The following TCF12 variants were observed in gnomAD, a reference collection of about 807,000 sequenced individuals.
The protein encoded by TCF12 is transcription factor 12, also known as DNA-binding protein HTF4.
Under a neutral mutation model 86.0 loss-of-function variants are expected in TCF12, and 45 were observed. That is an observed-to-expected ratio of 0.52 (90% CI 0.41 to 0.67). TCF12 has a LOEUF of 0.67. TCF12 is among the 30% of genes least tolerant of loss of function. TCF12 has a pLI of 0.00. For missense variants in TCF12, 881 were observed against 859.9 expected, an observed-to-expected ratio of 1.02 and a Z score of -0.31; for synonymous variants, 330 against 299.6, an observed-to-expected ratio of 1.10 and a Z score of -1.05.
intron 5 of TCF12, among the ~76,000 whole-genome samples, chr15:57,122,182 G>C (rs1185554431): frequency 7.6e-5 from 8 of 104,588 alleles, no homozygotes; most frequent in African/African-American, 2.3e-4. Context: ...AGTCTTGCTT[G>C]ATTTTTTTTT....
chr15:57,164,684 T>C (rs557358364), intron 5 of TCF12, among the ~76,000 whole-genome samples: 1 of 152,204 alleles, frequency 6.6e-6, no homozygotes, highest in East Asian at 1.9e-4. Flanking sequence ...TTTTTTTCTT[T>C]TTTGTTTTTT....
At chr15:56,929,182 G>C (rs2060140452) in intron 3 of TCF12, among the ~76,000 whole-genome samples, 1 of 152,122 alleles carries the variant, frequency 6.6e-6, no homozygotes, top group East Asian at 1.9e-4. Context: ...ATAAGGGTCA[G>C]GGTGGAATGG....
chr15:57,047,414 T>C (rs2042706341), intron 3 of TCF12, among the ~76,000 whole-genome samples: 1 of 152,198 alleles, frequency 6.6e-6, no homozygotes, highest in Non-Finnish European at 1.5e-5. Context: ...TTGAGAAAGA[T>C]TGAACAAGAT....
chr15:57,184,059 A>T (rs1414089645), intron 6 of TCF12, among the ~76,000 whole-genome samples: 2 of 152,106 alleles, frequency 1.3e-5, no homozygotes, highest in Admixed American at 1.3e-4. Context: ...CTGAAAGTTT[A>T]TGTTTACCTT....
chr15:57,154,654 A>G (rs956681527), intron 5 of TCF12, among the ~76,000 whole-genome samples: 13 of 152,090 alleles, frequency 8.5e-5, no homozygotes, highest in African/African-American at 7.2e-5. Flanking sequence ...GATTATGGCT[A>G]TGTATACAAA....
intron 8 of TCF12, among the ~76,000 whole-genome samples, chr15:57,198,493 T>G (rs1370599399): frequency 1.3e-5 from 2 of 152,208 alleles, no homozygotes; most frequent in Non-Finnish European, 2.9e-5. Context: ...GGAACAATCA[T>G]TAATGGCCAT....
At chr15:56,920,470 TTTTATACACACACACACGTG>T (rs1203287665) in intron 2 of TCF12, among the ~76,000 whole-genome samples, 1 of 124,180 alleles carries the variant, frequency 8.1e-6, no homozygotes, top group African/African-American at 3.1e-5. Context: ...AGTACTTTTA[TTTTATACACACACACACGTG>T]TGTGTGTGTG....
At chr15:57,026,087 A>G (rs1391033805) in intron 3 of TCF12, among the ~76,000 whole-genome samples, 1 of 152,222 alleles carries the variant, frequency 6.6e-6, no homozygotes, top group Non-Finnish European at 1.5e-5. Flanking sequence ...TAGAACAGAG[A>G]TAGGAAAATT....
chr15:57,170,700 TATATAATATATAATA>T (rs2055335383), intron 6 of TCF12, among the ~76,000 whole-genome samples: 1 of 6,330 alleles, frequency 1.6e-4, no homozygotes, highest in Non-Finnish European at 3.1e-4. Context: ...ATATATATTA[TATATAATATATAATA>T]TATATATTAT....
At chr15:57,193,669 C>T (rs2057100315) in intron 7 of TCF12, among the ~76,000 whole-genome samples, 1 of 152,218 alleles carries the variant, frequency 6.6e-6, no homozygotes, top group Admixed American at 6.5e-5. Context: ...TTTTATTGCA[C>T]AGGCATTTGA....
At chr15:56,971,006 C>G (rs1184688044) in intron 3 of TCF12, among the ~76,000 whole-genome samples, 1 of 152,056 alleles carries the variant, frequency 6.6e-6, no homozygotes, top group East Asian at 1.9e-4. Flanking sequence ...GTGTTTGTGC[C>G]ACTGCACTCC....
intron 5 of TCF12, among the ~76,000 whole-genome samples, chr15:57,116,591 C>T (rs535807908): frequency 6.6e-6 from 1 of 152,124 alleles, no homozygotes; most frequent in Non-Finnish European, 1.5e-5. Context: ...AAGTGATCCA[C>T]CTGCCTCGGC....
intron 4 of TCF12, among the ~76,000 whole-genome samples, chr15:57,082,269 G>C (rs1209727993): frequency 6.6e-6 from 1 of 152,164 alleles, no homozygotes; most frequent in Non-Finnish European, 1.5e-5. Flanking sequence ...GATTCTAAAA[G>C]TCAGCAGCAG....
chr15:56,982,065 T>C (rs2062921822), intron 3 of TCF12, among the ~76,000 whole-genome samples: 1 of 152,202 alleles, frequency 6.6e-6, no homozygotes, highest in Admixed American at 6.5e-5. Flanking sequence ...AAGGGTCAAC[T>C]GCAGCTTTTC....
chr15:57,048,419 G>A (rs1488299212), intron 3 of TCF12, among the ~76,000 whole-genome samples: 2 of 151,976 alleles, frequency 1.3e-5, no homozygotes, highest in Non-Finnish European at 2.9e-5. Flanking sequence ...CCGCCACCAC[G>A]CCCGGCTAAT....
At chr15:56,944,210 AACAG>A (rs1221303250) in intron 3 of TCF12, among the ~76,000 whole-genome samples, 2 of 152,198 alleles carry the variant, frequency 1.3e-5, no homozygotes, top group Admixed American at 6.5e-5. Flanking sequence ...GCCATATTAT[AACAG>A]ACAGTGAATT....
intron 4 of TCF12, among the ~76,000 whole-genome samples, chr15:57,065,438 G>A (rs1470104598): frequency 1.3e-5 from 2 of 152,144 alleles, no homozygotes; most frequent in African/African-American, 2.4e-5. Context: ...ATGTGAGATA[G>A]GATCTAGTTT....
intron 3 of TCF12, among the ~76,000 whole-genome samples, chr15:56,949,000 T>C (rs931135051): frequency 1.3e-5 from 2 of 152,206 alleles, no homozygotes; most frequent in Non-Finnish European, 2.9e-5. Flanking sequence ...TGGGTGACTA[T>C]GCATGAGGGA....
At chr15:57,253,547 A>C (rs1755218718) in intron 16 of TCF12, 79 bp downstream of exon 16, 1 of 1,522,324 alleles carries the variant, frequency 6.6e-7, no homozygotes, top group African/African-American at 1.4e-5. Flanking sequence ...CTTTGGGAAG[A>C]GGATCTTTCT....
Sources: gnomAD v4.1 joint callset for allele counts (sites outside exome capture counted in the v4.1 genomes callset) on GRCh38, gnomAD v4.1.1 for gene constraint, MANE v1.5 for transcripts, NCBI Gene and HGNC (gene_info 2026-07-23, HGNC 2026-07-21) for gene names.